KTN1: variants seen among roughly 807,000 people sequenced by gnomAD.
KTN1 encodes kinectin.
In KTN1, 130 loss-of-function variants were observed where a neutral mutation model predicts 222.5. That is an observed-to-expected ratio of 0.58 (90% CI 0.51 to 0.68). KTN1 has a LOEUF of 0.68. Ranked by LOEUF, KTN1 falls within the 30% of genes least tolerant of loss-of-function variation. KTN1 has a pLI of 0.00. For missense variants in KTN1, 1,508 were observed against 1,500.4 expected, an observed-to-expected ratio of 1.01 and a Z score of -0.08; for synonymous variants, 512 against 496.3, an observed-to-expected ratio of 1.03 and a Z score of -0.42.
At chr14:55,613,777 T>C (rs1355329914) in intron 2 of KTN1, among the ~76,000 whole-genome samples, 1 of 152,102 alleles carries the variant, frequency 6.6e-6, no homozygotes, top group African/African-American at 2.4e-5. Context: ...CCCGGTTGTA[T>C]TGGATTTTAA....
chr14:55,653,751 G>A (rs1476931069), intron 28 of KTN1, among the ~76,000 whole-genome samples, 155 bp downstream of exon 28: 2 of 152,060 alleles, frequency 1.3e-5, no homozygotes, highest in East Asian at 3.8e-4. Flanking sequence ...AGTCTCTGTT[G>A]GGTAAAATAA....
chr14:55,659,989 A>G (rs569002511), intron 31 of KTN1, among the ~76,000 whole-genome samples: 1 of 152,314 alleles, frequency 6.6e-6, no homozygotes, highest in South Asian at 2.1e-4. Context: ...GGTTTTCTAA[A>G]TCACCTTCTA....
chr14:55,596,282 GACT>G, intron 1 of KTN1, among the ~76,000 whole-genome samples: 1 of 150,548 alleles, frequency 6.6e-6, no homozygotes, highest in East Asian at 2.0e-4. Flanking sequence ...ATTTTAATTT[GACT>G]ACTTTCTATT....
intron 1 of KTN1, among the ~76,000 whole-genome samples, chr14:55,596,171 A>G (rs2140414179): frequency 6.6e-6 from 1 of 151,516 alleles, no homozygotes; most frequent in Non-Finnish European, 1.5e-5. Context: ...AAAAAAAAAA[A>G]AAGTAAAAAT....
At chr14:55,613,263 G>A (rs774390133) in intron 2 of KTN1, among the ~76,000 whole-genome samples, 2 of 152,116 alleles carry the variant, frequency 1.3e-5, no homozygotes, top group African/African-American at 4.8e-5. Context: ...ACCACTTAAA[G>A]CAAGTAATGC....
chr14:55,654,748 CTA>C (rs994546468), intron 28 of KTN1, among the ~76,000 whole-genome samples: 7 of 152,030 alleles, frequency 4.6e-5, no homozygotes, highest in African/African-American at 1.7e-4. Context: ...CATTAGGAAA[CTA>C]TGTGGGTTTT....
At chr14:55,602,485 C>T (rs2036122797) in intron 1 of KTN1, among the ~76,000 whole-genome samples, 1 of 152,078 alleles carries the variant, frequency 6.6e-6, no homozygotes, top group Admixed American at 6.6e-5. Context: ...AAATACCCTG[C>T]ATTCAAAAAC....
rs1007207126 is a variant in KTN1 at position 55,650,635 on chromosome 14, C to A, written c.2563C>A (p.Gln855Lys). ...AAATGTCCAGCTTGAAAAGGCTCAA[C>A]AGGTAAAAATCCCAGAGCCATAGCA... The part of the protein sequence containing the change: ...IGNVQLEKAQ[Q>K]LSITSKVQEL... The change falls in exon 24 of 44, where the codon CAG becomes AAG. Residue 855 changes from glutamine (Q) to lysine (K), a missense_variant and splice_region_variant. By Grantham distance (53) the Gln-to-Lys change is moderately conservative. Coordinates refer to ENST00000395314, the MANE Select transcript of KTN1 (RefSeq NM_001079521.2). 6.2e-7 allele frequency: 1 copy of A among 1,603,714 alleles called. No homozygotes were observed. Among genetic ancestry groups the A allele is most frequent in the Non-Finnish European group, 8.5e-7 (1 of 1,171,082 alleles).
chr14:55,654,710 G>A (rs747674372), intron 28 of KTN1, among the ~76,000 whole-genome samples: 6 of 152,042 alleles, frequency 3.9e-5, no homozygotes, highest in African/African-American at 1.4e-4. Flanking sequence ...CATTGTTATC[G>A]TTGTTATTAA....
At chr14:55,644,682 A>G (rs34184813) in intron 18 of KTN1, among the ~76,000 whole-genome samples, 33,466 of 151,502 alleles carry the variant, frequency 0.22, 4,205 homozygotes, top group East Asian at 0.36. Flanking sequence ...AGTGAAAACT[A>G]TAAGAAGTTT....
At chr14:55,670,469 A>G (rs1221198746) in intron 34 of KTN1, among the ~76,000 whole-genome samples, 1 of 152,060 alleles carries the variant, frequency 6.6e-6, no homozygotes, top group African/African-American at 2.4e-5. Flanking sequence ...AATTCAGTTG[A>G]AAATACTCTT....
At chr14:55,651,238 G>C in intron 24 of KTN1, 1 of 455,804 alleles carries the variant, frequency 2.2e-6, no homozygotes, top group Non-Finnish European at 4.4e-6. Flanking sequence ...TGGAGATAAT[G>C]TGTTGAATGA....
At chr14:55,634,220 G>A (rs796335722) in intron 8 of KTN1, among the ~76,000 whole-genome samples, 5 of 152,052 alleles carry the variant, frequency 3.3e-5, no homozygotes, top group Non-Finnish European at 7.4e-5. Flanking sequence ...TAGTAATACC[G>A]GTACACAGTA....
intron 1 of KTN1, among the ~76,000 whole-genome samples, chr14:55,580,620 T>TGTC: frequency 6.6e-6 from 1 of 151,736 alleles, no homozygotes; most frequent in East Asian, 1.9e-4. Context: ...ACCCCGGCTC[T>TGTC]GTCGCGGCAC....
intron 33 of KTN1, among the ~76,000 whole-genome samples, chr14:55,665,356 A>C (rs2044607479): frequency 6.6e-6 from 1 of 152,046 alleles, no homozygotes; most frequent in Non-Finnish European, 1.5e-5. Context: ...AAGAAGTTAC[A>C]TGCTACTTGC....
chr14:55,659,556 ATACTATTTTTACTTT>A, intron 30 of KTN1, 95 bp from the exon 31 acceptor site: 1 of 737,874 alleles, frequency 1.4e-6, no homozygotes. Context: ...TATGAAATAT[ATACTATTTTTACTTT>A]TGTTGTTTTC....
chr14:55,660,436 G>A (rs1318738446), intron 31 of KTN1, among the ~76,000 whole-genome samples: 1 of 120,852 alleles, frequency 8.3e-6, no homozygotes, highest in Non-Finnish European at 1.7e-5. Flanking sequence ...TTGTTGGCCT[G>A]TAATTTTCTC....
intron 1 of KTN1, among the ~76,000 whole-genome samples, chr14:55,592,415 C>A (rs1206225968): frequency 6.6e-6 from 1 of 152,158 alleles, no homozygotes; most frequent in Non-Finnish European, 1.5e-5. Context: ...CTACAACTTA[C>A]TTTTAGAGTC....
intron 6 of KTN1, among the ~76,000 whole-genome samples, 186 bp from the exon 7 acceptor site, chr14:55,629,771 A>G (rs1303683150): frequency 2.0e-5 from 3 of 152,258 alleles, no homozygotes; most frequent in Non-Finnish European, 4.4e-5. Flanking sequence ...ATTGGCGTGA[A>G]GAGCAGATGA....
Sources: allele counts gnomAD v4.1 joint callset (sites outside exome capture counted in the v4.1 genomes callset), GRCh38; gene constraint gnomAD v4.1.1; transcripts MANE v1.5; gene names NCBI Gene and HGNC (gene_info 2026-07-23, HGNC 2026-07-21).